The following PDE6H variants were observed in gnomAD, a reference collection of about 807,000 sequenced individuals.
PDE6H encodes retinal cone rhodopsin-sensitive cGMP 3',5'-cyclic phosphodiesterase subunit gamma.
PDE6H carries 11 observed loss-of-function variants against 9.2 expected under a neutral mutation model. The observed-to-expected ratio is 1.19, with a 90% CI of 0.75 to 1.97. The LOEUF (loss-of-function observed/expected upper bound fraction) is 1.97. Ranked by LOEUF, PDE6H falls within the 30% of genes most tolerant of loss-of-function variation. The pLI, the probability that PDE6H is intolerant of heterozygous loss-of-function variation, is 0.00. For synonymous variants in PDE6H, 36 were observed against 33.6 expected (o/e 1.07, Z -0.25); for missense variants, 98 against 101.5 (o/e 0.97, Z 0.15).
chr12:14,973,414 C>T (rs752911540), intron 1 of PDE6H, among the ~76,000 whole-genome samples: 1 of 152,102 alleles, frequency 6.6e-6, no homozygotes, highest in Non-Finnish European at 1.5e-5. Context: ...GAATCTGTGG[C>T]ACTAAATAAC....
At chr12:14,973,214 G>A (rs1427565247) in intron 1 of PDE6H, 128 bp downstream of exon 1, 1 of 152,160 alleles carries the variant, frequency 6.6e-6, no homozygotes, top group Non-Finnish European at 1.5e-5. Context: ...CTGTGGCTGG[G>A]GATGAAAATG....
intron 1 of PDE6H, among the ~76,000 whole-genome samples, chr12:14,976,087 T>A (rs1864591245): frequency 6.6e-6 from 1 of 152,222 alleles, no homozygotes; most frequent in Non-Finnish European, 1.5e-5. Context: ...CCCAAAGTGC[T>A]GGGATTACAG....
In PDE6H at chr12:14,979,217, CAGGTA is replaced by C. The variant is rs1342388017; in HGVS notation, c.175+1_175+5del. On this transcript the variant is annotated splice_donor_variant and splice_donor_region_variant and coding_sequence_variant and intron_variant, in exon 3 of 4. Coordinates refer to ENST00000266395, the MANE Select transcript of PDE6H (RefSeq NM_006205.3). LOFTEE classifies it high-confidence loss of function. Reference sequence around the variant, plus strand: ...ATTCCAGGAATGGAGGGGCTAGGAACAGGTAAGCCATCCACTGATTTAAGTGAGAA... The same window carrying C: ...ATTCCAGGAATGGAGGGGCTAGGAACAGCCATCCACTGATTTAAGTGAGAA... 6.2e-6 allele frequency: 10 copies of C among 1,604,320 alleles called. No homozygotes were observed. Among genetic ancestry groups the C allele is most frequent in the African/African-American group, 1.3e-5 (1 of 74,866 alleles).
At chr12:14,978,185 C>A in intron 2 of PDE6H, 39 bp downstream of exon 2, 2 of 1,591,538 alleles carry the variant, frequency 1.3e-6, no homozygotes, top group South Asian at 1.1e-5. Context: ...CTATTACTTT[C>A]TTTTTCCCAC....
At chr12:14,975,826 T>TTTTTTTTTTTTTG (rs1864585054) in intron 1 of PDE6H, among the ~76,000 whole-genome samples, 1 of 31,388 alleles carries the variant, frequency 3.2e-5, no homozygotes, top group Admixed American at 1.8e-4. Context: ...TTTTTTTTTG[T>TTTTTTTTTTTTTG]TTTTTTTTTT....
chr12:14,975,291 T>C (rs565848287), intron 1 of PDE6H, among the ~76,000 whole-genome samples: 43 of 152,084 alleles, frequency 2.8e-4, no homozygotes, highest in African/African-American at 1.0e-3. Context: ...TATAAATATG[T>C]ACCATGAAAC....
intron 3 of PDE6H, among the ~76,000 whole-genome samples, chr12:14,980,969 A>C (rs1424538110): frequency 6.6e-6 from 1 of 152,234 alleles, no homozygotes; most frequent in Non-Finnish European, 1.5e-5. Flanking sequence ...AAGAACAATT[A>C]GAGAAGAAAC....
intron 1 of PDE6H, among the ~76,000 whole-genome samples, chr12:14,973,441 C>A (rs1254976513): frequency 1.3e-5 from 2 of 152,102 alleles, no homozygotes. Context: ...GAAAACAGTT[C>A]TTTACTCCCA....
intron 1 of PDE6H, among the ~76,000 whole-genome samples, chr12:14,975,202 G>C (rs1363313208): frequency 6.6e-6 from 1 of 151,982 alleles, no homozygotes; most frequent in East Asian, 1.9e-4. Flanking sequence ...CAACTCAATT[G>C]GATCTTATTA....
intron 3 of PDE6H, 106 bp from the exon 4 acceptor site, chr12:14,981,294 T>C (rs193275418): frequency 6.4e-4 from 515 of 803,056 alleles, no homozygotes; most frequent in African/African-American, 6.4e-3. Context: ...CAGGGGACAA[T>C]GAGCAGGAGA....
intron 1 of PDE6H, among the ~76,000 whole-genome samples, chr12:14,975,256 C>G (rs1399753537): frequency 6.7e-6 from 1 of 149,524 alleles, no homozygotes; most frequent in African/African-American, 2.4e-5. Flanking sequence ...AATTTGAATT[C>G]CAGAAAAAAA....
rs757042616 is a variant in PDE6H at position 14,978,136 on chromosome 12, G to A, written c.124G>A (p.Gly42Ser). ...ATTCAAGAGTAAACCTCCAAAGAAA[G>A]GTGTGAAAGGGTAAGACCAAAATGA... ...RQFKSKPPKKGVKGFGDDIPG... is the reference protein window; with the variant it reads ...RQFKSKPPKKSVKGFGDDIPG... The change falls in exon 2 of 4, where the codon GGT becomes AGT. Residue 42 changes from glycine to serine, a missense_variant. Coordinates refer to ENST00000266395, the MANE Select transcript of PDE6H (RefSeq NM_006205.3). The A allele has an allele frequency of 2.5e-6, 4 of 1,613,584 alleles. No individual in the cohort carries two copies. In the Admixed American group the frequency reaches 6.7e-5, roughly 27 times the overall value.
At chr12:14,974,275 T>C (rs2120815792) in intron 1 of PDE6H, among the ~76,000 whole-genome samples, 1 of 152,322 alleles carries the variant, frequency 6.6e-6, no homozygotes, top group South Asian at 2.1e-4. Flanking sequence ...TAGCCTTTGG[T>C]GATGTTTATG....
At position 14,977,485 on chromosome 12, in the gene PDE6H, C is replaced by T. The variant is rs544717520; in HGVS notation, c.-41-487C>T. Reference sequence around the variant, plus strand: ...ATCACTGAGTCCATTTTCCTCTCTTCGTAACTGACAGAACTGGTAGTCACA... The same window carrying T: ...ATCACTGAGTCCATTTTCCTCTCTTTGTAACTGACAGAACTGGTAGTCACA... On this transcript the variant is annotated intron_variant, in intron 1 of 3. Transcript: ENST00000266395. Among the ~76,000 whole-genome samples the T allele has an allele frequency of 5.3e-5, 8 of 152,282 alleles. No individual in the cohort carries two copies. In the South Asian group the frequency reaches 6.2e-4, roughly 12 times the overall value.
chr12:14,974,401 C>T (rs1436308783), intron 1 of PDE6H, among the ~76,000 whole-genome samples: 3 of 152,128 alleles, frequency 2.0e-5, no homozygotes, highest in East Asian at 1.9e-4. Flanking sequence ...AGGGATTAGT[C>T]GACTGTTCCG....
At chr12:14,979,356 G>A in intron 3 of PDE6H, 137 bp downstream of exon 3, 3 of 704,212 alleles carry the variant, frequency 4.3e-6, no homozygotes, top group Non-Finnish European at 7.8e-6. Flanking sequence ...GAAATGTGGG[G>A]ATTTAATTTA....
intron 1 of PDE6H, among the ~76,000 whole-genome samples, chr12:14,976,601 G>T (rs1415458100): frequency 6.6e-6 from 1 of 151,980 alleles, no homozygotes; most frequent in Admixed American, 6.6e-5. Flanking sequence ...AGGCGGGAGG[G>T]TCACTTGAGC....
At chr12:14,976,111 T>C (rs896943517) in intron 1 of PDE6H, among the ~76,000 whole-genome samples, 13 of 152,234 alleles carry the variant, frequency 8.5e-5, no homozygotes, top group South Asian at 2.1e-4. Context: ...TGAGCCACCG[T>C]GCCTGGCCTG....
At chr12:14,977,882 C>A (rs1864619276) in intron 1 of PDE6H, 90 bp from the exon 2 acceptor site, 1 of 877,052 alleles carries the variant, frequency 1.1e-6, no homozygotes, top group Non-Finnish European at 1.8e-6. Flanking sequence ...TGTTGAAGTA[C>A]TTTTCTTCTC....
Sources: allele counts gnomAD v4.1 joint callset (sites outside exome capture counted in the v4.1 genomes callset), GRCh38; gene constraint gnomAD v4.1.1; transcripts MANE v1.5; gene names NCBI Gene and HGNC (gene_info 2026-07-23, HGNC 2026-07-21).